The following PLPPR1 variants were observed in gnomAD, a reference collection of about 807,000 sequenced individuals.
The protein encoded by PLPPR1 is phospholipid phosphatase related 1.
PLPPR1 carries 10 observed loss-of-function variants against 33.1 expected under a neutral mutation model. That is an observed-to-expected ratio of 0.30 (90% CI 0.19 to 0.51). The LOEUF (loss-of-function observed/expected upper bound fraction) is 0.51, where lower values mean the gene tolerates loss of function less well. Among genes scored for constraint, PLPPR1 ranks in the 20% least tolerant of loss-of-function variants. PLPPR1 has a pLI of 0.97. For synonymous variants in PLPPR1, 151 were observed against 151.0 expected (o/e 1.00, Z 0.00); for missense variants, 304 against 408.1 (o/e 0.74, Z 2.20).
At chr9:101,307,870 A>G (rs965840402) in intron 4 of PLPPR1, among the ~76,000 whole-genome samples, 1 of 152,098 alleles carries the variant, frequency 6.6e-6, no homozygotes, top group Non-Finnish European at 1.5e-5. Context: ...TCAATTGCAT[A>G]TAATACATCT....
intron 1 of PLPPR1, among the ~76,000 whole-genome samples, chr9:101,113,752 G>T (rs1831086355): frequency 6.6e-6 from 1 of 151,918 alleles, no homozygotes. Context: ...CTCCTGCATT[G>T]TTGATAGACA....
At chr9:101,091,355 A>G (rs970424212) in intron 1 of PLPPR1, among the ~76,000 whole-genome samples, 3 of 152,170 alleles carry the variant, frequency 2.0e-5, no homozygotes, top group East Asian at 3.8e-4. Flanking sequence ...TCTGGAGGTC[A>G]GTAGTTCACA....
intron 4 of PLPPR1, among the ~76,000 whole-genome samples, chr9:101,305,220 CGTGCATGTGTGCATGCGCAAGTGTGT>C (rs1828836056): frequency 1.3e-5 from 2 of 151,130 alleles, no homozygotes; most frequent in Admixed American, 1.3e-4. Context: ...TGTGTGTGTG[CGTGCATGTGTGCATGCGCAAGTGTGT>C]GTATGTGTGT....
At chr9:101,268,348 C>T (rs552779167) in intron 2 of PLPPR1, among the ~76,000 whole-genome samples, 3 of 151,532 alleles carry the variant, frequency 2.0e-5, no homozygotes, top group East Asian at 1.9e-4. Flanking sequence ...GAATTACTAT[C>T]CCAGAAGTAG....
chr9:101,059,361 A>G (rs1273282026), intron 1 of PLPPR1, among the ~76,000 whole-genome samples: 1 of 152,130 alleles, frequency 6.6e-6, no homozygotes, highest in Admixed American at 6.6e-5. Flanking sequence ...GTTTGTGTGC[A>G]TTACACACAA....
intron 3 of PLPPR1, among the ~76,000 whole-genome samples, chr9:101,281,705 A>G (rs1256600293): frequency 1.3e-5 from 2 of 152,128 alleles, no homozygotes; most frequent in Non-Finnish European, 2.9e-5. Flanking sequence ...AGACAAGAAA[A>G]AAGAGAAGAT....
Position 101,112,282 on chromosome 9 carries a change from A to G in PLPPR1, c.-45-73168A>G, listed in dbSNP as rs187865715. The stretch of plus-strand genomic sequence containing the variant: ...ACATATATGTATTTATATTTACATA[A>G]TAGGCAACAGGTACTCCACATATAG... On this transcript the variant is annotated intron_variant, in intron 1 of 7. Coordinates refer to ENST00000374874, the MANE Select transcript of PLPPR1 (RefSeq NM_207299.2). Among the ~76,000 whole-genome samples the G allele has an allele frequency of 2.6e-4, 39 of 152,320 alleles. 2 individuals are homozygous for G. The East Asian group carries it at 7.3e-3, about 29-fold the overall frequency.
intron 2 of PLPPR1, among the ~76,000 whole-genome samples, chr9:101,263,029 A>G (rs914959958): frequency 6.6e-6 from 1 of 152,192 alleles, no homozygotes; most frequent in Admixed American, 6.5e-5. Flanking sequence ...GGGGAGGGAT[A>G]GCATTAGGAG....
chr9:101,200,902 G>T (rs948051538), intron 2 of PLPPR1, among the ~76,000 whole-genome samples: 9 of 152,158 alleles, frequency 5.9e-5, no homozygotes, highest in Non-Finnish European at 8.8e-5. Context: ...GGAACTACAT[G>T]TTATTAGACC....
chr9:101,272,121 T>A (rs961593586), intron 3 of PLPPR1, among the ~76,000 whole-genome samples: 6 of 152,150 alleles, frequency 3.9e-5, no homozygotes, highest in Non-Finnish European at 7.4e-5. Flanking sequence ...TACATCTCAA[T>A]AAAATTGAAA....
intron 2 of PLPPR1, among the ~76,000 whole-genome samples, chr9:101,205,774 G>A (rs1165659180): frequency 1.3e-5 from 2 of 152,200 alleles, no homozygotes; most frequent in African/African-American, 2.4e-5. Context: ...AGGCACTGAA[G>A]TGATATCATA....
At chr9:101,254,528 G>C (rs1297688348) in intron 2 of PLPPR1, among the ~76,000 whole-genome samples, 2 of 152,104 alleles carry the variant, frequency 1.3e-5, no homozygotes, top group African/African-American at 4.8e-5. Context: ...GACCAGGGGG[G>C]TTGTGAATCC....
At chr9:101,305,166 G>T (rs900591926) in intron 4 of PLPPR1, among the ~76,000 whole-genome samples, 1 of 152,116 alleles carries the variant, frequency 6.6e-6, no homozygotes. Flanking sequence ...TGTAGTCTCT[G>T]TCTTCTGAGG....
intron 5 of PLPPR1, among the ~76,000 whole-genome samples, chr9:101,309,998 T>G (rs753244928): frequency 6.6e-6 from 1 of 152,288 alleles, no homozygotes; most frequent in East Asian, 1.9e-4. Context: ...GGGATGATCC[T>G]AGAAAAACCT....
intron 1 of PLPPR1, among the ~76,000 whole-genome samples, chr9:101,096,885 T>C (rs745502116): frequency 6.6e-6 from 1 of 152,116 alleles, no homozygotes; most frequent in Non-Finnish European, 1.5e-5. Context: ...GGTAACATAG[T>C]GAGACCCCAT....
At chr9:101,145,862 T>C (rs384881) in intron 1 of PLPPR1, among the ~76,000 whole-genome samples, 126,889 of 145,244 alleles carry the variant, frequency 0.87, 55,501 homozygotes, top group Admixed American at 0.9. Flanking sequence ...AAAAAAAAAA[T>C]GAAAATAGCC....
chr9:101,177,304 T>G (rs1245635564), intron 1 of PLPPR1, among the ~76,000 whole-genome samples: 1 of 152,204 alleles, frequency 6.6e-6, no homozygotes, highest in East Asian at 1.9e-4. Context: ...ACATGTACTG[T>G]TTTCAGTGCA....
chr9:101,307,944 G>T (rs1828884601), intron 4 of PLPPR1, among the ~76,000 whole-genome samples: 1 of 152,092 alleles, frequency 6.6e-6, no homozygotes, highest in Non-Finnish European at 1.5e-5. Context: ...TAATATACAG[G>T]CCTTGAAATA....
intron 2 of PLPPR1, among the ~76,000 whole-genome samples, chr9:101,227,660 T>C (rs1827099462): frequency 6.6e-6 from 1 of 152,218 alleles, no homozygotes; most frequent in Non-Finnish European, 1.5e-5. Flanking sequence ...CTATACATAA[T>C]TTCATTTTGA....
Sources: allele counts gnomAD v4.1 joint callset (sites outside exome capture counted in the v4.1 genomes callset), GRCh38; gene constraint gnomAD v4.1.1; transcripts MANE v1.5; gene names NCBI Gene and HGNC (gene_info 2026-07-23, HGNC 2026-07-21).